The following GDF6 variants were observed in gnomAD, a reference collection of about 807,000 sequenced individuals.
The protein encoded by GDF6 is growth differentiation factor 6, also known as growth/differentiation factor 6.
GDF6 carries 3 observed loss-of-function variants against 32.4 expected under a neutral mutation model. The observed-to-expected ratio is 0.09, with a 90% confidence interval of 0.04 to 0.24. GDF6 has a LOEUF of 0.24. GDF6 is among the 10% of genes least tolerant of loss of function. GDF6 has a pLI of 1.00. For missense variants in GDF6, 589 were observed against 637.9 expected (o/e 0.92, Z 0.83); for synonymous variants, 296 against 295.3 (o/e 1.00, Z -0.03).
intron 1 of GDF6, among the ~76,000 whole-genome samples, chr8:96,158,369 G>A (rs1033013416): frequency 2.6e-5 from 4 of 152,208 alleles, no homozygotes; most frequent in African/African-American, 9.6e-5. Context: ...TCGCGTCTAC[G>A]CCGGATTGGG....
In GDF6 at chr8:96,145,121, C is replaced by A; in HGVS notation, c.810G>T (p.Arg270=). ...LRSLGFGRRV[R]PPQERALLVV... ...CCAGCAGGGCCCGCTCCTGGGGAGG[C>A]CGCACCCTCCGGCCGAAGCCCAGAC... Residue 270 remains arginine, a synonymous_variant, in exon 2 of 2, where the codon CGG becomes CGT. Coordinates refer to ENST00000287020, the MANE Select transcript of GDF6 (RefSeq NM_001001557.4). The surrounding 1 kb of genome is among the most constrained non-coding windows in gnomAD (Gnocchi z 5.6). The A allele has an allele frequency of 6.6e-7, 1 of 1,519,428 alleles. No homozygotes were observed. The highest frequency in any genetic ancestry group is 1.4e-5 in the African/African-American group (1 of 69,800). The allele number at this position is 1,519,428 out of a possible 1,614,324, so 94.1% of individuals were successfully genotyped here.
In GDF6 at chr8:96,145,383, G is replaced by A. The variant is rs1458464107; in HGVS notation, c.548C>T (p.Pro183Leu). 1 of 1,571,762 alleles carries A rather than the reference G, an allele frequency of 6.4e-7. No homozygotes were observed. Among genetic ancestry groups the A allele is most frequent in the Non-Finnish European group, 8.6e-7 (1 of 1,166,354 alleles). ...PSAPWGPPAG[P>L]LHVQLFPCLS... ...GCAAGGGAAGAGCTGCACGTGGAGCGGCCCGGCTGGTGGCCCCCAGGGCGC... is the reference window on the plus strand; with the variant it reads ...GCAAGGGAAGAGCTGCACGTGGAGCAGCCCGGCTGGTGGCCCCCAGGGCGC... Residue 183 changes from proline (P) to leucine (L), a missense_variant, in exon 2 of 2, where the codon CCG becomes CTG. Physicochemically the swap from Pro to Leu is moderately conservative, Grantham distance 98. Transcript: ENST00000287020. This position sits in a 1 kb window ranked among gnomAD's most constrained non-coding sequence, Gnocchi z 5.6.
At chr8:96,146,563 G>A (rs1812487892) in intron 1 of GDF6, among the ~76,000 whole-genome samples, 1 of 151,936 alleles carries the variant, frequency 6.6e-6, no homozygotes, top group South Asian at 2.1e-4. Context: ...GGTGACAAAT[G>A]AACAAACACA....
At position 96,160,602 on chromosome 8, in the gene GDF6, A is replaced by T; in HGVS notation, c.91T>A (p.Ser31Thr). The T allele has an allele frequency of 4.3e-6, 7 of 1,613,684 alleles. No homozygotes were observed. Among genetic ancestry groups the T allele is most frequent in the Non-Finnish European group, 5.9e-6 (7 of 1,179,736 alleles). The change falls in exon 1 of 2, where the codon TCC becomes ACC. Residue 31 changes from serine (S) to threonine (T), a missense_variant. Coordinates refer to ENST00000287020, the MANE Select transcript of GDF6 (RefSeq NM_001001557.4). ...PGFQQASISS[S>T]SSSAELGSTK... ...GAACCCAGCTCGGCGGACGACGAGG[A>T]GGATGAGATGGAAGCCTGCTGGAAA...
In GDF6 at chr8:96,144,637, A is replaced by T. The variant is rs747518338; in HGVS notation, c.1294T>A (p.Tyr432Asn). The change falls in exon 2 of 2, where the codon TAC (tyrosine) becomes AAC (asparagine). Residue 432 changes from tyrosine to asparagine, a missense_variant. Physicochemically the swap from Tyr to Asn is moderately radical, Grantham distance 143 (BLOSUM62 -2). Around this residue, in one of 2 missense-constraint regions of GDF6, gnomAD observed 153 missense variants for 226.7 expected, o/e 0.67. Transcript: ENST00000287020. This position sits in a 1 kb window ranked among gnomAD's most constrained non-coding sequence, Gnocchi z 5.1. ...PTKLTPISILYIDAGNNVVYK... is the reference protein window; with the variant it reads ...PTKLTPISILNIDAGNNVVYK... ...ACCACATTATTGCCCGCGTCGATGT[A>T]TAGAATGCTGATGGGAGTCAATTTG... is the stretch of plus-strand genomic sequence containing the variant. 6.2e-7 allele frequency: 1 copy of T among 1,614,128 alleles called. No homozygotes were observed. Among genetic ancestry groups the T allele is most frequent in the Non-Finnish European group, 8.5e-7 (1 of 1,180,020 alleles).
At chr8:96,150,084 C>T (rs1263219688) in intron 1 of GDF6, among the ~76,000 whole-genome samples, 1 of 152,230 alleles carries the variant, frequency 6.6e-6, no homozygotes, top group Non-Finnish European at 1.5e-5. Context: ...GAGATATATA[C>T]TCAGCTTGAG....
Position 96,145,451 on chromosome 8 carries a change from C to T in GDF6, c.480G>A (p.Glu160=). ...AGAGCCGCAGCTCCGCGCCCACCAG[C>T]TCTTCTTTGTCTGAGAGCATGGACA... ...FDVSMLSDKE[E]LVGAELRLFR... Residue 160 remains glutamate, a synonymous_variant, in exon 2 of 2, where the codon GAG becomes GAA. Transcript: ENST00000287020. The surrounding 1 kb of genome is among the most constrained non-coding windows in gnomAD (Gnocchi z 5.6). 2 of 1,597,450 alleles carry T rather than the reference C, an allele frequency of 1.3e-6. No individual in the cohort carries two copies. Among genetic ancestry groups the T allele is most frequent in the South Asian group, 1.1e-5 (1 of 90,890 alleles).
chr8:96,152,400 C>T (rs1812583720), intron 1 of GDF6, among the ~76,000 whole-genome samples: 1 of 152,188 alleles, frequency 6.6e-6, no homozygotes. Context: ...CAAATGACTC[C>T]CTGGCTGGCA....
rs77859767 is a variant in GDF6, at chr8:96,145,563, G to A, written c.407-39C>T. The A allele has an allele frequency of 0.012, 18,939 of 1,596,908 alleles. 1,674 individuals are homozygous for A. In the African/African-American group the frequency reaches 0.2, roughly 17 times the overall value. On this transcript the variant is annotated intron_variant, in intron 1 of 1. Coordinates refer to ENST00000287020, the MANE Select transcript of GDF6 (RefSeq NM_001001557.4). The surrounding 1 kb of genome is among the most constrained non-coding windows in gnomAD (Gnocchi z 5.6). ...AATAATTACAGTCAGTTTCACTTAAGGGGGAGATCAGCCCGGTGCTCTTCG... is the reference window on the plus strand; with the variant it reads ...AATAATTACAGTCAGTTTCACTTAAAGGGGAGATCAGCCCGGTGCTCTTCG...
At chr8:96,146,086 T>C (rs1330046123) in intron 1 of GDF6, among the ~76,000 whole-genome samples, 1 of 152,214 alleles carries the variant, frequency 6.6e-6, no homozygotes, top group Admixed American at 6.5e-5. Context: ...AGTAACACTC[T>C]GTCTGCCTCC....
intron 1 of GDF6, among the ~76,000 whole-genome samples, chr8:96,153,376 A>T (rs991296798): frequency 2.0e-5 from 3 of 152,158 alleles, no homozygotes; most frequent in Non-Finnish European, 2.9e-5. Flanking sequence ...AGCGGCTCAA[A>T]TCTTAATTTG....
intron 1 of GDF6, among the ~76,000 whole-genome samples, chr8:96,149,809 ACT>A (rs1299276677): frequency 2.0e-5 from 3 of 152,138 alleles, no homozygotes; most frequent in Non-Finnish European, 4.4e-5. Context: ...GGAGTGGCAA[ACT>A]CCAGAGCGGA....
At chr8:96,159,390 G>C (rs145576863) in intron 1 of GDF6, among the ~76,000 whole-genome samples, 10 of 152,240 alleles carry the variant, frequency 6.6e-5, no homozygotes, top group African/African-American at 9.6e-5. Flanking sequence ...GATCAACGCC[G>C]GTGGCAAGAA....
In GDF6 at chr8:96,160,734, G is replaced by A. The variant is rs769371013; in HGVS notation, c.-42C>T. 12 of 1,603,378 alleles carry A rather than the reference G, an allele frequency of 7.5e-6. No homozygotes were observed. Among genetic ancestry groups the A allele is most frequent in the Admixed American group, 3.3e-5 (2 of 59,794 alleles). The stretch of plus-strand genomic sequence containing the variant: ...CGTCTCCCCAGGAGGCGGTGGCGGC[G>A]GCGCAGGACGCGCGGGGCACGGAGC... On this transcript the variant is annotated 5_prime_UTR_variant, in exon 1 of 2. Coordinates refer to ENST00000287020, the MANE Select transcript of GDF6 (RefSeq NM_001001557.4).
intron 1 of GDF6, among the ~76,000 whole-genome samples, chr8:96,159,188 G>C (rs369913606): frequency 3.9e-5 from 6 of 152,278 alleles, no homozygotes; most frequent in African/African-American, 1.4e-4. Flanking sequence ...TGCCTAAATC[G>C]CTTTTATCCC....
At position 96,145,439 on chromosome 8, in the gene GDF6, C is replaced by T. The variant is rs757029731; in HGVS notation, c.492G>A (p.Ala164=). The part of the protein sequence containing the change: ...MLSDKEELVG[A]ELRLFRQAPS... ...GCGCCTGGCGAAAGAGCCGCAGCTC[C>T]GCGCCCACCAGCTCTTCTTTGTCTG... The change falls in exon 2 of 2, where the codon GCG becomes GCA. Residue 164 remains alanine (A), a synonymous_variant. Transcript: ENST00000287020. The surrounding 1 kb of genome is among the most constrained non-coding windows in gnomAD (Gnocchi z 5.6). The T allele has an allele frequency of 1.3e-6, 2 of 1,595,856 alleles. No individual in the cohort carries two copies. Among genetic ancestry groups the T allele is most frequent in the African/African-American group, 1.3e-5 (1 of 75,008 alleles).
At chr8:96,146,679 G>C (rs1228090633) in intron 1 of GDF6, among the ~76,000 whole-genome samples, 1 of 119,912 alleles carries the variant, frequency 8.3e-6, no homozygotes, top group African/African-American at 3.7e-5. Flanking sequence ...GGGACAATTA[G>C]ATACACACAC....
chr8:96,151,649 G>C (rs569695324), intron 1 of GDF6, among the ~76,000 whole-genome samples: 35 of 152,340 alleles, frequency 2.3e-4, no homozygotes, highest in African/African-American at 7.9e-4. Flanking sequence ...GATTGGACTT[G>C]TGAAAGAGAA....
intron 1 of GDF6, among the ~76,000 whole-genome samples, chr8:96,147,199 G>A (rs1255750710): frequency 6.6e-6 from 1 of 152,224 alleles, no homozygotes; most frequent in Admixed American, 6.5e-5. Context: ...GCTGACCGTA[G>A]CACTGGCTGG....
Sources: allele counts gnomAD v4.1 joint callset (sites outside exome capture counted in the v4.1 genomes callset), GRCh38; gene constraint gnomAD v4.1.1; regional missense constraint gnomAD v4.1.1; non-coding constraint Gnocchi (gnomAD v3.1); transcripts MANE v1.5; gene names NCBI Gene and HGNC (gene_info 2026-07-23, HGNC 2026-07-21).